COL6A5: variants seen among roughly 807,000 people sequenced by gnomAD.
COL6A5 encodes the protein collagen type VI alpha 5 chain.
COL6A5 carries 48 observed loss-of-function variants against 65.6 expected under a neutral mutation model. The observed-to-expected ratio is 0.73, with a 90% CI of 0.58 to 0.93. The LOEUF (loss-of-function observed/expected upper bound fraction) is 0.93. Ranked by LOEUF, COL6A5 falls within the 40% of genes least tolerant of loss-of-function variation. The probability of loss-of-function intolerance (pLI) is 0.00; values close to 1 mark genes in which losing one functional copy is unlikely to be tolerated. For synonymous variants in COL6A5, 291 were observed against 322.8 expected (o/e 0.90, Z 1.05); for missense variants, 914 against 928.3 (o/e 0.98, Z 0.20).
chr3:130,388,543 C>T, intron 5 of COL6A5, 37 bp from the exon 6 acceptor site: 1 of 1,457,718 alleles, frequency 6.9e-7, no homozygotes, highest in Non-Finnish European at 9.1e-7. Flanking sequence ...ACCTTTCCAA[C>T]CTGGTTATTT....
intron 5 of COL6A5, among the ~76,000 whole-genome samples, chr3:130,459,842 G>A (rs956373213): frequency 6.6e-6 from 1 of 151,642 alleles, no homozygotes; most frequent in Non-Finnish European, 1.5e-5. Flanking sequence ...ATGTTCTTTT[G>A]TTTTTTCGTG....
chr3:130,373,247 A>G (rs944132107), intron 1 of COL6A5, among the ~76,000 whole-genome samples: 7 of 152,164 alleles, frequency 4.6e-5, no homozygotes, highest in Admixed American at 6.5e-5. Context: ...AGGTGATGCA[A>G]TTGCTTCGTC....
chr3:130,395,528 G>T, intron 8 of COL6A5, 63 bp downstream of exon 8: 1 of 1,204,000 alleles, frequency 8.3e-7, no homozygotes, highest in East Asian at 2.5e-5. Flanking sequence ...TCCCAAGAGT[G>T]TCTTATGGGC....
At chr3:130,436,156 A>G (rs1709029734) in intron 1 of COL6A5, among the ~76,000 whole-genome samples, 1 of 152,014 alleles carries the variant, frequency 6.6e-6, no homozygotes, top group Non-Finnish European at 1.5e-5. Context: ...AAAATTACCC[A>G]TGATCTTTCC....
chr3:130,370,041 G>A (rs1011217936), intron 1 of COL6A5, among the ~76,000 whole-genome samples: 1 of 152,076 alleles, frequency 6.6e-6, no homozygotes, highest in African/African-American at 2.4e-5. Context: ...CTAGTTTGGG[G>A]TATATCTCCT....
chr3:130,426,883 A>T (rs1937616614), upstream of COL6A5, among the ~76,000 whole-genome samples: 1 of 152,096 alleles, frequency 6.6e-6, no homozygotes, highest in Non-Finnish European at 1.5e-5. Context: ...CAACATAAAG[A>T]GGTTGTCTTT....
At chr3:130,397,833 A>C in exon 9 of COL6A5, 1 of 1,551,676 alleles carries the variant, frequency 6.4e-7, no homozygotes, top group Non-Finnish European at 8.7e-7. Flanking sequence ...GCTTGCTGCA[A>C]GTCAACGTCA....
intron 17 of COL6A5, 23 bp from the exon 18 acceptor site, chr3:130,409,301 CAG>C (rs1559886271): frequency 6.5e-7 from 1 of 1,530,344 alleles, no homozygotes; most frequent in South Asian, 1.2e-5. Context: ...CAAGCTAACT[CAG>C]AAATTCATTT....
intron 4 of COL6A5, among the ~76,000 whole-genome samples, chr3:130,450,550 A>G (rs1709409035): frequency 6.6e-6 from 1 of 152,132 alleles, no homozygotes; most frequent in Non-Finnish European, 1.5e-5. Context: ...AAGCTTTAAT[A>G]TATGCAGGCA....
At chr3:130,403,942 A>C (rs1329372823) in intron 13 of COL6A5, among the ~76,000 whole-genome samples, 2 of 151,956 alleles carry the variant, frequency 1.3e-5, no homozygotes, top group Admixed American at 1.3e-4. Context: ...GTTTGGGGTA[A>C]GGAGGGAACA....
chr3:130,354,562 T>G (rs930530462), intron 1 of COL6A5, among the ~76,000 whole-genome samples: 3 of 152,220 alleles, frequency 2.0e-5, no homozygotes, highest in African/African-American at 7.2e-5. Context: ...AGAGTCTACA[T>G]TTTAATAAGA....
At position 130,354,122 on chromosome 3, in the gene COL6A5, G is replaced by A. The variant is rs75108562; in HGVS notation, c.-29+8141G>A. Among the ~76,000 whole-genome samples, 1,484 of 148,592 alleles carry A rather than the reference G, an allele frequency of 1.0e-2. 16 individuals carry two copies. Among genetic ancestry groups the A allele is most frequent in the South Asian group, 0.081 (377 of 4,652 alleles). ...AGAAAGAGAAAGAAAGGGGAAGGAA[G>A]GAAGGAAAGAAGGAAGGAAGGAAGA... On this transcript the variant is annotated intron_variant and NMD_transcript_variant, in intron 1 of 41. Transcript: ENST00000312481.
chr3:130,440,684 C>G, exon 3 of COL6A5: 1 of 1,613,538 alleles, frequency 6.2e-7, no homozygotes, highest in Non-Finnish European at 8.5e-7. Context: ...TGTGATTTCT[C>G]TGGGCTCTAC....
intron 1 of COL6A5, among the ~76,000 whole-genome samples, chr3:130,354,523 C>A (rs1216808623): frequency 2.0e-5 from 3 of 152,182 alleles, no homozygotes; most frequent in African/African-American, 2.4e-5. Context: ...AAATGCAGAA[C>A]TCAGGGCTCA....
intron 1 of COL6A5, among the ~76,000 whole-genome samples, chr3:130,353,326 C>T (rs1421624284): frequency 2.6e-5 from 4 of 152,250 alleles, no homozygotes; most frequent in South Asian, 2.1e-4. Flanking sequence ...AGCACCAGTA[C>T]GGGTCTGATG....
intron 1 of COL6A5, among the ~76,000 whole-genome samples, chr3:130,362,455 G>T (rs1194285901): frequency 6.6e-6 from 1 of 151,276 alleles, no homozygotes; most frequent in Non-Finnish European, 1.5e-5. Flanking sequence ...TATTTGTGCA[G>T]GTCTATTTCT....
Position 130,460,713 on chromosome 3 carries a change from G to T in COL6A5, c.1544+5047G>T, listed in dbSNP as rs539683277. On this transcript the variant is annotated intron_variant, in intron 5 of 7. Coordinates refer to ENST00000512836, the Ensembl canonical transcript of COL6A5. The stretch of plus-strand genomic sequence containing the variant: ...GTGAAGGTGTTTGCTGTTGCTGATG[G>T]TTGTGGTTGAGGTGGGTGGTAGGGA... 6.6e-5 allele frequency among the ~76,000 whole-genome samples: 10 copies of T among 152,132 alleles called. No individual in the cohort carries two copies. In the East Asian group the frequency reaches 1.9e-3, roughly 30 times the overall value.
intron 4 of COL6A5, 35 bp downstream of exon 36, chr3:130,443,601 G>A: frequency 7.3e-7 from 1 of 1,374,874 alleles, no homozygotes; most frequent in Non-Finnish European, 1.0e-6. Context: ...ACAAGTGACT[G>A]CTAATTGGCT....
At chr3:130,364,594 G>C (rs1935262986) in intron 1 of COL6A5, among the ~76,000 whole-genome samples, 1 of 152,236 alleles carries the variant, frequency 6.6e-6, no homozygotes, top group African/African-American at 2.4e-5. Context: ...TCAGAGAGCA[G>C]GCGGGTCTAG....
Sources: allele counts gnomAD v4.1 joint callset (sites outside exome capture counted in the v4.1 genomes callset), GRCh38; gene constraint gnomAD v4.1.1; transcripts MANE v1.5; gene names NCBI Gene and HGNC (gene_info 2026-07-23, HGNC 2026-07-21).